Variants in SLC14A2 observed in about 807,000 individuals in gnomAD.
The protein encoded by SLC14A2 is solute carrier family 14 member 2, also known as urea transporter 2.
SLC14A2 carries 91 observed loss-of-function variants against 104.6 expected under a neutral mutation model. That is an observed-to-expected ratio of 0.87 (90% CI 0.73 to 1.04). The LOEUF (loss-of-function observed/expected upper bound fraction) is 1.04, where lower values mean the gene tolerates loss of function less well. Among genes scored for constraint, SLC14A2 ranks in the 50% least tolerant of loss-of-function variants. The pLI, the probability that SLC14A2 is intolerant of heterozygous loss-of-function variation, is 0.00. For synonymous variants in SLC14A2, 476 were observed against 466.4 expected (o/e 1.02, Z -0.27); for missense variants, 1,189 against 1,156.0 (o/e 1.03, Z -0.41).
chr18:45,584,373 C>G (rs548906792), intron 2 of SLC14A2, among the ~76,000 whole-genome samples: 1 of 152,306 alleles, frequency 6.6e-6, no homozygotes, highest in East Asian at 1.9e-4. Context: ...GGATCCTACG[C>G]CACATGCCCA....
chr18:45,176,447 AT>A, the SLC14A2 span, among the ~76,000 whole-genome samples: 1 of 152,058 alleles, frequency 6.6e-6, no homozygotes, highest in Non-Finnish European at 1.5e-5. Context: ...CATATAGAAA[AT>A]TTCCACACAA....
At position 45,585,433 on chromosome 18, in the gene SLC14A2, C is replaced by T. The variant is rs140446517; in HGVS notation, c.-34-39198C>T. Among the ~76,000 whole-genome samples the T allele has an allele frequency of 3.3e-5, 5 of 152,228 alleles. 1 individual carries two copies. Among genetic ancestry groups the T allele is most frequent in the African/African-American group, 1.2e-4 (5 of 41,538 alleles). On this transcript the variant is annotated intron_variant, in intron 2 of 20. Coordinates refer to the SLC14A2 transcript ENST00000586448. ...TATATTTCCAGTATCTAAAACAGCA[C>T]ACAATAGGTCCTCAACAAATAGTAG...
intron 1 of SLC14A2, among the ~76,000 whole-genome samples, chr18:45,260,983 A>G (rs1294912109): frequency 1.3e-5 from 2 of 152,080 alleles, no homozygotes; most frequent in Non-Finnish European, 2.9e-5. Flanking sequence ...TACCCTCTGA[A>G]TCCAAAATAA....
At chr18:45,663,676 A>T (rs2045966233) in intron 10 of SLC14A2, 109 bp from the exon 11 acceptor site, 2 of 1,249,292 alleles carry the variant, frequency 1.6e-6, no homozygotes, top group African/African-American at 1.5e-5. Flanking sequence ...TTCAGGCTTC[A>T]CTGCTCTCTC....
intron 1 of SLC14A2, among the ~76,000 whole-genome samples, chr18:45,410,558 T>G (rs1251874064): frequency 1.3e-5 from 2 of 152,202 alleles, no homozygotes; most frequent in African/African-American, 4.8e-5. Flanking sequence ...TATTGGGCAC[T>G]CACTACAGCC....
intron 2 of SLC14A2, among the ~76,000 whole-genome samples, chr18:45,510,528 T>C (rs1455786795): frequency 1.3e-5 from 2 of 151,858 alleles, no homozygotes; most frequent in Non-Finnish European, 2.9e-5. Flanking sequence ...CCTGGCCCAA[T>C]CTTTCATGGA....
chr18:45,213,136 A>ACTTTTC (rs1326985821), exon 1 of SLC14A2: 1 of 152,174 alleles, frequency 6.6e-6, no homozygotes, highest in Non-Finnish European at 1.5e-5. Flanking sequence ...CTACCTACAG[A>ACTTTTC]CAAGGAAAAG....
At chr18:45,200,050 A>G in the SLC14A2 span, among the ~76,000 whole-genome samples, 4 of 152,062 alleles carry the variant, frequency 2.6e-5, no homozygotes, top group Non-Finnish European at 4.4e-5. Context: ...ACCTCTGCCT[A>G]TATCTATAGG....
chr18:45,196,161 T>G, the SLC14A2 span, among the ~76,000 whole-genome samples: 6 of 152,238 alleles, frequency 3.9e-5, no homozygotes, highest in Admixed American at 1.3e-4. Context: ...GTTTACAGTT[T>G]GTTTACACTT....
the SLC14A2 span, among the ~76,000 whole-genome samples, chr18:45,168,079 T>C: frequency 6.6e-6 from 1 of 152,224 alleles, no homozygotes; most frequent in South Asian, 2.1e-4. Context: ...TTCATCCGTC[T>C]TGATGTTGCC....
intron 1 of SLC14A2, among the ~76,000 whole-genome samples, chr18:45,242,753 C>A (rs1049516604): frequency 4.3e-4 from 65 of 152,220 alleles, no homozygotes; most frequent in African/African-American, 1.3e-3. Context: ...AGGTTCTTCT[C>A]TGCCAGGAGT....
rs780271070 is a variant in SLC14A2, at chr18:45,644,156, C to A, written c.1347C>A (p.Pro449=). 4.3e-6 allele frequency: 7 copies of A among 1,614,138 alleles called. No homozygotes were observed. The East Asian group carries it at 1.6e-4, about 36-fold the overall frequency. ...AAAGCGGTGAAGAAGAGAAGGCCCC[C>A]AGCGGTGAATAGCCATGTTCGGGGA... ...TVKSGEEEKA[P]SGGGGEHPPT... Residue 449 remains proline, a synonymous_variant, in exon 10 of 20, where the codon CCC becomes CCA. Coordinates refer to ENST00000255226, the MANE Select transcript of SLC14A2 (RefSeq NM_007163.4).
intron 1 of SLC14A2, among the ~76,000 whole-genome samples, chr18:45,444,526 A>G (rs570215449): frequency 1.3e-5 from 2 of 152,332 alleles, no homozygotes; most frequent in East Asian, 1.9e-4. Flanking sequence ...AGAAAAGATG[A>G]TCTGTCCATA....
chr18:45,449,046 A>G (rs935765472), intron 1 of SLC14A2, among the ~76,000 whole-genome samples: 6 of 152,156 alleles, frequency 3.9e-5, no homozygotes, highest in Non-Finnish European at 7.4e-5. Context: ...GGCCATCCCA[A>G]AGGGCATTCA....
chr18:45,475,286 T>C (rs537315699), intron 1 of SLC14A2, among the ~76,000 whole-genome samples: 1 of 152,146 alleles, frequency 6.6e-6, no homozygotes, highest in South Asian at 2.1e-4. Context: ...GGGAGGGTTT[T>C]CCAATTATGT....
chr18:45,390,007 A>G (rs1156478040), intron 1 of SLC14A2, among the ~76,000 whole-genome samples: 1 of 152,214 alleles, frequency 6.6e-6, no homozygotes, highest in Non-Finnish European at 1.5e-5. Flanking sequence ...ATAAAATGAA[A>G]AGTGAACCTA....
At chr18:45,292,710 G>C (rs534102275) in intron 1 of SLC14A2, among the ~76,000 whole-genome samples, 1 of 152,276 alleles carries the variant, frequency 6.6e-6, no homozygotes, top group South Asian at 2.1e-4. Context: ...TTGGTGGTGG[G>C]ACCGGCTACA....
At chr18:45,675,715 T>A (rs1325929622) in intron 18 of SLC14A2, among the ~76,000 whole-genome samples, 2,299 of 92,334 alleles carry the variant, frequency 0.025, 14 homozygotes, top group African/African-American at 0.043. Context: ...ATATATTTTT[T>A]TTTTTTTTTT....
At chr18:45,423,084 A>G (rs968976515) in intron 1 of SLC14A2, among the ~76,000 whole-genome samples, 3 of 152,176 alleles carry the variant, frequency 2.0e-5, no homozygotes, top group African/African-American at 7.2e-5. Context: ...ATTGGGAAAA[A>G]CAGTAATTGA....
Sources: gnomAD v4.1 joint callset for allele counts (sites outside exome capture counted in the v4.1 genomes callset) on GRCh38, gnomAD v4.1.1 for gene constraint, MANE v1.5 for transcripts, NCBI Gene and HGNC (gene_info 2026-07-23, HGNC 2026-07-21) for gene names.